Variants in CRTAP observed in about 807,000 individuals in gnomAD.
CRTAP encodes the protein cartilage associated protein, also known as cartilage-associated protein.
Under a neutral mutation model 42.7 loss-of-function variants are expected in CRTAP, and 33 were observed. The ratio of observed to expected loss-of-function variants is 0.77; its 90% CI spans 0.59 to 1.03. CRTAP has a LOEUF of 1.03. Among genes scored for constraint, CRTAP ranks in the 50% least tolerant of loss-of-function variants. CRTAP has a pLI of 0.00. For synonymous variants in CRTAP, 243 were observed against 217.7 expected (o/e 1.12, Z -1.02); for missense variants, 613 against 533.9 (o/e 1.15, Z -1.46).
Position 33,142,662 on chromosome 3 carries a change from A to C in CRTAP, c.*214A>C. ...CCTCATGTTCACACCTATCTTTCTCACCTTTTTTTTGAGATGGAGTCTCGC... is the reference window on the plus strand; with the variant it reads ...CCTCATGTTCACACCTATCTTTCTCCCCTTTTTTTTGAGATGGAGTCTCGC... On this transcript the variant is annotated 3_prime_UTR_variant, in exon 7 of 7. Coordinates refer to ENST00000320954, the MANE Select transcript of CRTAP (RefSeq NM_006371.5). 1.5e-5 allele frequency: 8 copies of C among 539,346 alleles called. No homozygotes were observed. Among genetic ancestry groups the C allele is most frequent in the East Asian group, 3.1e-5 (1 of 31,822 alleles). 33.4% of individuals were successfully genotyped at this position (539,346 alleles called of 1,614,324 possible). A position where few individuals can be genotyped will look rare whatever the true frequency, so the allele number is the denominator to read the frequency against.
At chr3:33,115,091 G>C (rs532521055) in intron 1 of CRTAP, among the ~76,000 whole-genome samples, 23 of 152,142 alleles carry the variant, frequency 1.5e-4, no homozygotes, top group African/African-American at 5.5e-4. Context: ...TTATAGGCGC[G>C]CGCCACCACA....
intron 1 of CRTAP, among the ~76,000 whole-genome samples, chr3:33,118,814 C>T (rs566209155): frequency 5.3e-5 from 8 of 152,308 alleles, no homozygotes; most frequent in African/African-American, 1.4e-4. Context: ...TCCTTATTTG[C>T]CTGCCCTCCT....
rs1260279965 is a variant in CRTAP, at chr3:33,143,561, CAG to C, written c.*1114_*1115del. 2 of 152,164 alleles carry C rather than the reference CAG, an allele frequency of 1.3e-5. No individual in the cohort carries two copies. Among genetic ancestry groups the C allele is most frequent in the Non-Finnish European group, 2.9e-5 (2 of 68,032 alleles). The allele number at this position is 152,164 out of a possible 1,614,324, so 9.4% of individuals were successfully genotyped here. ...GAACTAGAGATACTTCACAGAATAA[CAG>C]GGAAAGTTCCCTGTGCTCATGGAGC... On this transcript the variant is annotated 3_prime_UTR_variant, in exon 7 of 7. Coordinates refer to ENST00000320954, the MANE Select transcript of CRTAP (RefSeq NM_006371.5).
intron 2 of CRTAP, among the ~76,000 whole-genome samples, chr3:33,122,601 C>T (rs1294348386): frequency 4.7e-5 from 7 of 148,376 alleles, no homozygotes; most frequent in Admixed American, 1.4e-4. Context: ...CCTAGCTACT[C>T]GGGAGACTGA....
At chr3:33,140,446 T>G (rs1384586767) in intron 6 of CRTAP, among the ~76,000 whole-genome samples, 1 of 152,208 alleles carries the variant, frequency 6.6e-6, no homozygotes, top group Non-Finnish European at 1.5e-5. Flanking sequence ...TTATGGCAAG[T>G]AATACTTTGA....
In CRTAP at chr3:33,147,056, C is replaced by G. The variant is rs2030740709; in HGVS notation, c.*4608C>G. On this transcript the variant is annotated 3_prime_UTR_variant, in exon 7 of 7. Transcript: ENST00000320954. ...CATCGCAGCTGTCTGAACTCTTGAT[C>G]ATCTGCCATCCCCCAAACAGTGACT... is the stretch of plus-strand genomic sequence containing the variant. 1 of 152,698 alleles carries G rather than the reference C, an allele frequency of 6.5e-6. No individual in the cohort carries two copies. Among genetic ancestry groups the G allele is most frequent in the Non-Finnish European group, 1.5e-5 (1 of 68,072 alleles). The allele number at this position is 152,698 out of a possible 1,614,324, so 9.5% of individuals were successfully genotyped here. A position where few individuals can be genotyped will look rare whatever the true frequency, so the allele number is the denominator to read the frequency against.
Position 33,142,580 on chromosome 3 carries a change from C to G in CRTAP, c.*132C>G, listed in dbSNP as rs2030607668. On this transcript the variant is annotated 3_prime_UTR_variant, in exon 7 of 7. Transcript: ENST00000320954. ...TCCAAAGTGAAAGGGAAGCCCCCGT[C>G]TCTCTAACTGCATGTCATCAGGGGT... The G allele has an allele frequency of 1.2e-6, 1 of 817,908 alleles. No homozygotes were observed. The highest frequency in any genetic ancestry group is 2.5e-5 in the East Asian group (1 of 39,578). The allele number at this position is 817,908 out of a possible 1,614,324, so 50.7% of individuals were successfully genotyped here. A position where few individuals can be genotyped will look rare whatever the true frequency, so the allele number is the denominator to read the frequency against.
intron 1 of CRTAP, among the ~76,000 whole-genome samples, chr3:33,115,950 C>G (rs1701337663): frequency 1.3e-5 from 2 of 152,054 alleles, no homozygotes; most frequent in African/African-American, 4.8e-5. Context: ...AAAACAGAAG[C>G]AGGGAATGAG....
In CRTAP at chr3:33,114,015, CT is replaced by C; in HGVS notation, c.-60del. 7.7e-7 allele frequency: 1 copy of C among 1,302,394 alleles called. No homozygotes were observed. The highest frequency in any genetic ancestry group is 1.0e-6 in the Non-Finnish European group (1 of 988,556). 80.7% of individuals were successfully genotyped at this position (1,302,394 alleles called of 1,614,324 possible). On this transcript the variant is annotated 5_prime_UTR_variant, in exon 1 of 7. Coordinates refer to ENST00000320954, the MANE Select transcript of CRTAP (RefSeq NM_006371.5). ...CCGCCGCGTCGCACCGTCCTCTTTCCTTTCCTTCTCCCTCCCCTTTTCCCTT... is the reference window on the plus strand; with the variant it reads ...CCGCCGCGTCGCACCGTCCTCTTTCCTTCCTTCTCCCTCCCCTTTTCCCTT...
intron 3 of CRTAP, among the ~76,000 whole-genome samples, chr3:33,127,700 G>A (rs554939144): frequency 9.9e-5 from 15 of 151,866 alleles, no homozygotes; most frequent in African/African-American, 3.4e-4. Context: ...CACCCACCTC[G>A]GCCTCCCAAA....
rs114717982 is a variant in CRTAP, at chr3:33,115,008, A to G, written c.471+460A>G. ...GCCCAGGCTGGAGTGCAGAGGCGCT[A>G]TCATGGCTCACTGCAGCCTTGACCT... On this transcript the variant is annotated intron_variant, in intron 1 of 6. Transcript: ENST00000320954. 3.0e-3 allele frequency among the ~76,000 whole-genome samples: 457 copies of G among 152,276 alleles called. 1 individual carries two copies. The highest frequency in any genetic ancestry group is 0.01 in the African/African-American group (433 of 41,560).
At position 33,144,170 on chromosome 3, in the gene CRTAP, A is replaced by G. The variant is rs1377333668; in HGVS notation, c.*1722A>G. The G allele has an allele frequency of 1.3e-5, 2 of 152,230 alleles. No individual in the cohort carries two copies. Among genetic ancestry groups the G allele is most frequent in the African/African-American group, 4.8e-5 (2 of 41,458 alleles). The allele number at this position is 152,230 out of a possible 1,614,324, so 9.4% of individuals were successfully genotyped here. ...TCTAGATTTATTTTGAAAAGAGCCAATAGGATTTGCTGAGAGTTTGAATGT... is the reference window on the plus strand; with the variant it reads ...TCTAGATTTATTTTGAAAAGAGCCAGTAGGATTTGCTGAGAGTTTGAATGT... On this transcript the variant is annotated 3_prime_UTR_variant, in exon 7 of 7. Transcript: ENST00000320954.
chr3:33,123,331 G>A (rs948148409), intron 2 of CRTAP, among the ~76,000 whole-genome samples: 2 of 152,150 alleles, frequency 1.3e-5, no homozygotes, highest in African/African-American at 4.8e-5. Flanking sequence ...CTGGTGGGAG[G>A]TGATTGGATC....
intron 2 of CRTAP, among the ~76,000 whole-genome samples, chr3:33,122,224 G>A (rs1048404850): frequency 6.6e-6 from 1 of 152,080 alleles, no homozygotes; most frequent in African/African-American, 2.4e-5. Context: ...TGGGGTGGCT[G>A]TGCTGCCCTC....
chr3:33,142,484 A>G lies in CRTAP; in HGVS notation c.*36A>G. ...CCAAAGAGACTTCCTCTTGGCGTTC[A>G]GGAAACACAGATTCTTTGTCCTTTT... On this transcript the variant is annotated 3_prime_UTR_variant, in exon 7 of 7. Transcript: ENST00000320954. 1 of 1,602,126 alleles carries G rather than the reference A, an allele frequency of 6.2e-7. No homozygotes were observed. Among genetic ancestry groups the G allele is most frequent in the Non-Finnish European group, 8.6e-7 (1 of 1,169,130 alleles).
intron 6 of CRTAP, among the ~76,000 whole-genome samples, chr3:33,134,994 G>A (rs532139622): frequency 9.2e-5 from 14 of 152,298 alleles, no homozygotes; most frequent in African/African-American, 3.4e-4. Context: ...CCCGTTTTAG[G>A]TGAAGTACCT....
In CRTAP at chr3:33,146,064, A is replaced by T. The variant is rs2030711427; in HGVS notation, c.*3616A>T. ...AACAAAAACTGGGCTGGGTCTTCCA[A>T]ACCTACCATGAAACCCTGGTGTGCA... is the stretch of plus-strand genomic sequence containing the variant. On this transcript the variant is annotated 3_prime_UTR_variant, in exon 7 of 7. Transcript: ENST00000320954. 6.6e-6 allele frequency: 1 copy of T among 152,102 alleles called. No homozygotes were observed. The highest frequency in any genetic ancestry group is 2.4e-5 in the African/African-American group (1 of 41,424). The allele number at this position is 152,102 out of a possible 1,614,324, so 9.4% of individuals were successfully genotyped here.
intron 3 of CRTAP, among the ~76,000 whole-genome samples, chr3:33,129,319 A>C (rs2030167949): frequency 6.6e-6 from 1 of 152,146 alleles, no homozygotes; most frequent in Non-Finnish European, 1.5e-5. Flanking sequence ...AAACTTTTGC[A>C]ATTTGGTAGT....
intron 2 of CRTAP, 88 bp downstream of exon 2, chr3:33,120,581 C>CCT: frequency 6.5e-7 from 1 of 1,545,870 alleles, no homozygotes; most frequent in Non-Finnish European, 8.7e-7. Flanking sequence ...TAGCTAAGGA[C>CCT]CTCTAGTGAT....
Sources: allele counts gnomAD v4.1 joint callset (sites outside exome capture counted in the v4.1 genomes callset), GRCh38; gene constraint gnomAD v4.1.1; transcripts MANE v1.5; gene names NCBI Gene and HGNC (gene_info 2026-07-23, HGNC 2026-07-21).